The following CTNND2 variants were observed in gnomAD, a reference collection of about 807,000 sequenced individuals.
CTNND2 encodes the protein catenin delta 2.
In CTNND2, 22 loss-of-function variants were observed where a neutral mutation model predicts 144.4. That is an observed-to-expected ratio of 0.15 (90% CI 0.11 to 0.22). The LOEUF is 0.22. Ranked by LOEUF, CTNND2 falls within the 10% of genes least tolerant of loss-of-function variation. The pLI, the probability that CTNND2 is intolerant of heterozygous loss-of-function variation, is 1.00. For synonymous variants in CTNND2, 751 were observed against 695.6 expected (o/e 1.08, Z -1.25); for missense variants, 1,353 against 1,618.8 (o/e 0.84, Z 2.82).
At chr5:11,163,800 A>T (rs936791084) in intron 11 of CTNND2, among the ~76,000 whole-genome samples, 2 of 152,242 alleles carry the variant, frequency 1.3e-5, no homozygotes, top group Admixed American at 1.3e-4. Flanking sequence ...TTAAGTGACA[A>T]GTATTTAATT....
intron 3 of CTNND2, among the ~76,000 whole-genome samples, chr5:11,435,058 T>A (rs1442247732): frequency 6.6e-6 from 1 of 152,128 alleles, no homozygotes; most frequent in East Asian, 1.9e-4. Context: ...TGTCACGAGA[T>A]AAATGGCTAC....
At chr5:11,691,813 C>T (rs975021145) in intron 2 of CTNND2, among the ~76,000 whole-genome samples, 1 of 152,110 alleles carries the variant, frequency 6.6e-6, no homozygotes, top group South Asian at 2.1e-4. Flanking sequence ...TCACTAGAGA[C>T]CCAGGAGTTA....
chr5:11,720,033 T>C (rs775170105), intron 2 of CTNND2, among the ~76,000 whole-genome samples: 5 of 152,168 alleles, frequency 3.3e-5, no homozygotes, highest in Non-Finnish European at 5.9e-5. Flanking sequence ...AAGAATTGCA[T>C]CTCAGCACAT....
chr5:11,453,839 C>A (rs937755735), intron 3 of CTNND2, among the ~76,000 whole-genome samples: 2 of 151,864 alleles, frequency 1.3e-5, no homozygotes, highest in Non-Finnish European at 2.9e-5. Flanking sequence ...ATTAGTTTCT[C>A]CAGGATTTAT....
chr5:11,137,476 A>G (rs1461122480), intron 12 of CTNND2, among the ~76,000 whole-genome samples: 1 of 152,208 alleles, frequency 6.6e-6, no homozygotes, highest in South Asian at 2.1e-4. Flanking sequence ...ATATTCAAGA[A>G]CAAGGTTAAT....
At position 11,346,356 on chromosome 5, in the gene CTNND2, A is replaced by T. The variant is rs1189431814; in HGVS notation, c.1628+16T>A. On this transcript the variant is annotated intron_variant, in intron 9 of 21. Transcript: ENST00000304623. ...CTCTTTAGACATCATAGGGAAAGAA[A>T]AAGGTTTTTACCCACCTGGGATCTT... 1 of 1,418,324 alleles carries T rather than the reference A, an allele frequency of 7.1e-7. No homozygotes were observed. Among genetic ancestry groups the T allele is most frequent in the African/African-American group, 1.5e-5 (1 of 68,086 alleles). 87.9% of individuals were successfully genotyped at this position (1,418,324 alleles called of 1,614,324 possible).
intron 3 of CTNND2, among the ~76,000 whole-genome samples, chr5:11,506,709 A>C (rs774954891): frequency 3.2e-4 from 48 of 152,354 alleles, no homozygotes; most frequent in Admixed American, 1.8e-3. Context: ...CATTTATTGT[A>C]AACACTATGA....
intron 13 of CTNND2, 119 bp from the exon 14 acceptor site, chr5:11,111,162 G>T: frequency 1.8e-6 from 2 of 1,102,042 alleles, no homozygotes; most frequent in Non-Finnish European, 2.5e-6. Context: ...GTGTTTAGCT[G>T]CCAGCTTCTG....
At chr5:11,744,714 C>T (rs553918535) in intron 1 of CTNND2, among the ~76,000 whole-genome samples, 12 of 149,818 alleles carry the variant, frequency 8.0e-5, no homozygotes, top group African/African-American at 2.2e-4. Context: ...TGTGTGTGCA[C>T]GTGTGTGTGT....
chr5:11,570,777 G>A (rs999552856), intron 2 of CTNND2, among the ~76,000 whole-genome samples: 5 of 151,662 alleles, frequency 3.3e-5, no homozygotes, highest in Admixed American at 2.0e-4. Flanking sequence ...GGGATCTTTC[G>A]ATCAAAAACC....
At chr5:11,267,159 G>A (rs1300621499) in intron 9 of CTNND2, among the ~76,000 whole-genome samples, 5 of 152,166 alleles carry the variant, frequency 3.3e-5, no homozygotes, top group African/African-American at 9.7e-5. Context: ...AATTACAGGC[G>A]TGAGCCACCG....
intron 12 of CTNND2, among the ~76,000 whole-genome samples, chr5:11,157,792 T>C (rs751137187): frequency 1.3e-5 from 2 of 152,222 alleles, no homozygotes; most frequent in Non-Finnish European, 2.9e-5. Flanking sequence ...ATTTTTTGCT[T>C]CCTATTATGT....
intron 3 of CTNND2, among the ~76,000 whole-genome samples, chr5:11,541,341 C>A (rs1774714888): frequency 6.6e-6 from 1 of 152,120 alleles, no homozygotes; most frequent in Non-Finnish European, 1.5e-5. Flanking sequence ...CAGTTTGGTA[C>A]CGGTTTCTGG....
rs1225109770 is a variant in CTNND2 at position 11,021,146 on chromosome 5, G to A, written c.2999+1623C>T. Among the ~76,000 whole-genome samples, 4 of 152,112 alleles carry A rather than the reference G, an allele frequency of 2.6e-5. No individual in the cohort carries two copies. In the East Asian group the frequency reaches 7.7e-4, roughly 29 times the overall value. On this transcript the variant is annotated intron_variant, in intron 17 of 21. Coordinates refer to ENST00000304623, the MANE Select transcript of CTNND2 (RefSeq NM_001332.4). Reference sequence around the variant, plus strand: ...ACCAAATAATTTTATTTGACCATAGGACTCAATAAAACTTTTTTTTCTCTT... The same window carrying A: ...ACCAAATAATTTTATTTGACCATAGAACTCAATAAAACTTTTTTTTCTCTT...
At chr5:11,522,129 G>C (rs384614) in intron 3 of CTNND2, among the ~76,000 whole-genome samples, 1 of 151,638 alleles carries the variant, frequency 6.6e-6, no homozygotes, top group Non-Finnish European at 1.5e-5. Context: ...CATTAAATAG[G>C]TAACTGTTAA....
At position 11,860,648 on chromosome 5, in the gene CTNND2, T is replaced by C. The variant is rs1795457504; in HGVS notation, c.37+43169A>G. Among the ~76,000 whole-genome samples the C allele has an allele frequency of 2.0e-5, 3 of 152,228 alleles. No individual in the cohort carries two copies. The South Asian group carries it at 6.2e-4, about 32-fold the overall frequency. On this transcript the variant is annotated intron_variant, in intron 1 of 21. Coordinates refer to ENST00000304623, the MANE Select transcript of CTNND2 (RefSeq NM_001332.4). Reference sequence around the variant, plus strand: ...TTTATAAAAGTGCTATAATTTACCTTACAACAGATATGTAAAGAAACTAAA... The same window carrying C: ...TTTATAAAAGTGCTATAATTTACCTCACAACAGATATGTAAAGAAACTAAA...
At chr5:11,576,884 G>C (rs1284482729) in intron 2 of CTNND2, among the ~76,000 whole-genome samples, 1 of 152,094 alleles carries the variant, frequency 6.6e-6, no homozygotes, top group Non-Finnish European at 1.5e-5. Flanking sequence ...TCGGTGGCTG[G>C]AGAATTCCCA....
intron 1 of CTNND2, among the ~76,000 whole-genome samples, chr5:11,839,474 C>T (rs1389348736): frequency 6.6e-6 from 1 of 151,962 alleles, no homozygotes; most frequent in Non-Finnish European, 1.5e-5. Flanking sequence ...TCTATCATGG[C>T]TCCAGGGATT....
intron 9 of CTNND2, among the ~76,000 whole-genome samples, chr5:11,245,527 C>T (rs1052070875): frequency 1.3e-5 from 2 of 152,048 alleles, no homozygotes; most frequent in Non-Finnish European, 2.9e-5. Context: ...GAGGGGTCCA[C>T]GAGCCAAGGG....
Sources: allele counts gnomAD v4.1 joint callset (sites outside exome capture counted in the v4.1 genomes callset), GRCh38; gene constraint gnomAD v4.1.1; transcripts MANE v1.5; gene names NCBI Gene and HGNC (gene_info 2026-07-23, HGNC 2026-07-21).